The following LPAR1 variants were observed in gnomAD, a reference collection of about 807,000 sequenced individuals.
LPAR1 encodes LPA receptor 1.
Under a neutral mutation model 23.8 loss-of-function variants are expected in LPAR1, and 5 were observed. That is an observed-to-expected ratio of 0.21 (90% CI 0.11 to 0.44). LPAR1 has a LOEUF of 0.44. LPAR1 is among the 20% of genes least tolerant of loss of function. The pLI is 0.99. For synonymous variants in LPAR1, 160 were observed against 164.7 expected (o/e 0.97, Z 0.22); for missense variants, 311 against 482.8 (o/e 0.64, Z 3.33).
intron 2 of LPAR1, among the ~76,000 whole-genome samples, chr9:110,985,854 G>GA (rs2139302566): frequency 6.6e-6 from 1 of 152,172 alleles, no homozygotes; most frequent in East Asian, 1.9e-4. Context: ...GAAAATGGGA[G>GA]AAAATCTCTA....
In LPAR1 at chr9:110,957,227, C is replaced by T. The variant is rs146998901; in HGVS notation, c.45+14846G>A. On this transcript the variant is annotated intron_variant, in intron 4 of 5. Coordinates refer to ENST00000683809, the MANE Select transcript of LPAR1 (RefSeq NM_001351411.2). ...TACAAAAAAAAAAGGCATAGTAGTG[C>T]GCACCTATAGTCCCAGCTACATGGG... Among the ~76,000 whole-genome samples, 1,175 of 150,808 alleles carry T rather than the reference C, an allele frequency of 7.8e-3. 56 individuals are homozygous for T. Among genetic ancestry groups the T allele is most frequent in the Admixed American group, 0.062 (939 of 15,122 alleles).
At chr9:110,876,739 C>T (rs1302344611) in intron 5 of LPAR1, among the ~76,000 whole-genome samples, 1 of 152,142 alleles carries the variant, frequency 6.6e-6, no homozygotes, top group Non-Finnish European at 1.5e-5. Flanking sequence ...CTCTTTCTTC[C>T]CCCAATTATT....
intron 5 of LPAR1, among the ~76,000 whole-genome samples, chr9:110,883,701 T>TC (rs200346569): frequency 1.3e-5 from 2 of 151,300 alleles, no homozygotes; most frequent in Admixed American, 1.3e-4. Context: ...TTATTCTCTC[T>TC]TTTGTTACAG....
At chr9:111,005,211 T>A (rs1231641044) in intron 2 of LPAR1, among the ~76,000 whole-genome samples, 1 of 150,328 alleles carries the variant, frequency 6.7e-6, no homozygotes, top group East Asian at 2.0e-4. Context: ...TTTCTCTCTG[T>A]CTCTCTCCAA....
rs368210344 is a variant in LPAR1 at position 110,958,130 on chromosome 9, C to T, written c.45+13943G>A. ...TATGCTTATAGATCGAACGAATTAACGTTGTTAAAATGATCACACTACCCA... is the reference window on the plus strand; with the variant it reads ...TATGCTTATAGATCGAACGAATTAATGTTGTTAAAATGATCACACTACCCA... On this transcript the variant is annotated intron_variant, in intron 4 of 5. Coordinates refer to ENST00000683809, the MANE Select transcript of LPAR1 (RefSeq NM_001351411.2). Among the ~76,000 whole-genome samples, 14 of 152,210 alleles carry T rather than the reference C, an allele frequency of 9.2e-5. No individual in the cohort carries two copies. The East Asian group carries it at 9.6e-4, about 10-fold the overall frequency.
chr9:110,916,361 C>T (rs955703602), intron 5 of LPAR1, among the ~76,000 whole-genome samples: 2 of 152,146 alleles, frequency 1.3e-5, no homozygotes, highest in Non-Finnish European at 2.9e-5. Flanking sequence ...TTCTTAGCCA[C>T]TATGCTATAT....
chr9:110,968,965 G>A (rs564776888), intron 4 of LPAR1, among the ~76,000 whole-genome samples: 19 of 152,244 alleles, frequency 1.2e-4, no homozygotes, highest in Non-Finnish European at 2.4e-4. Context: ...CTTCCCCTCA[G>A]GCTCAGGTAA....
intron 5 of LPAR1, among the ~76,000 whole-genome samples, chr9:110,903,781 A>G (rs1174409705): frequency 6.6e-6 from 1 of 151,862 alleles, no homozygotes; most frequent in Non-Finnish European, 1.5e-5. Flanking sequence ...GCAAAAAAAT[A>G]TAAATCTACA....
At chr9:110,994,488 T>C (rs1247080435) in intron 2 of LPAR1, among the ~76,000 whole-genome samples, 5 of 152,224 alleles carry the variant, frequency 3.3e-5, no homozygotes, top group Admixed American at 2.6e-4. Flanking sequence ...TTTGTGACTA[T>C]GTTGAAGAAT....
rs144406486 is a variant in LPAR1 at position 110,892,818 on chromosome 9, A to C, written c.794-17096T>G. Among the ~76,000 whole-genome samples the C allele has an allele frequency of 7.6e-3, 740 of 97,072 alleles. 1 individual carries two copies. Among genetic ancestry groups the C allele is most frequent in the Middle Eastern group, 0.023 (5 of 216 alleles). The allele number at this position is 97,072 out of a possible 152,430, so 63.7% of individuals were successfully genotyped here. A position where few individuals can be genotyped will look rare whatever the true frequency, so the allele number is the denominator to read the frequency against. On this transcript the variant is annotated intron_variant, in intron 5 of 5. Transcript: ENST00000683809. ...GAAGGAAGGAAGGAAGGAAGGAAGG[A>C]AGGAAGGAAGGCAGGCAGGCAGGCA... is the stretch of plus-strand genomic sequence containing the variant.
rs1172184916 is a variant in LPAR1 at position 110,949,259 on chromosome 9, T to G, written c.46-7091A>C. Among the ~76,000 whole-genome samples the G allele has an allele frequency of 3.9e-5, 6 of 152,156 alleles. No individual in the cohort carries two copies. The East Asian group carries it at 1.2e-3, about 29-fold the overall frequency. ...CAGCCTCACTGAATATAAACTCATC[T>G]TCCAAAAGGAAAAAAACACAGGAGG... On this transcript the variant is annotated intron_variant, in intron 4 of 5. Coordinates refer to ENST00000683809, the MANE Select transcript of LPAR1 (RefSeq NM_001351411.2).
chr9:110,938,519 T>C (rs1160693486), intron 5 of LPAR1, among the ~76,000 whole-genome samples: 1 of 152,122 alleles, frequency 6.6e-6, no homozygotes, highest in Non-Finnish European at 1.5e-5. Context: ...CCACCCCTTT[T>C]CCAGGAAGTT....
At chr9:110,967,302 A>G (rs1246309379) in intron 4 of LPAR1, among the ~76,000 whole-genome samples, 1 of 152,198 alleles carries the variant, frequency 6.6e-6, no homozygotes, top group Non-Finnish European at 1.5e-5. Flanking sequence ...AACTTGCCCC[A>G]CTTCAAAAAA....
intron 4 of LPAR1, among the ~76,000 whole-genome samples, chr9:110,968,351 T>G (rs1251810922): frequency 3.3e-5 from 5 of 152,168 alleles, no homozygotes; most frequent in Admixed American, 2.0e-4. Context: ...TAGGTGGCTC[T>G]AGGGACATCA....
chr9:110,947,223 T>C (rs752811705), intron 4 of LPAR1, among the ~76,000 whole-genome samples: 2 of 152,280 alleles, frequency 1.3e-5, no homozygotes, highest in Admixed American at 6.5e-5. Flanking sequence ...CAAAGTCCAA[T>C]AAGTACTTTT....
At chr9:111,030,591 A>G (rs1412647904) in intron 2 of LPAR1, among the ~76,000 whole-genome samples, 1 of 152,170 alleles carries the variant, frequency 6.6e-6, no homozygotes, top group Non-Finnish European at 1.5e-5. Context: ...GATGCCAAAC[A>G]CGTGCTCCAA....
At chr9:110,915,686 A>G (rs928457026) in intron 5 of LPAR1, among the ~76,000 whole-genome samples, 1 of 152,174 alleles carries the variant, frequency 6.6e-6, no homozygotes, top group Non-Finnish European at 1.5e-5. Flanking sequence ...TATAACCACA[A>G]TCATATATTT....
At chr9:110,910,131 T>C (rs1339415849) in intron 5 of LPAR1, among the ~76,000 whole-genome samples, 2 of 152,150 alleles carry the variant, frequency 1.3e-5, no homozygotes, top group Non-Finnish European at 2.9e-5. Flanking sequence ...AAGACTTTCA[T>C]AGCTGGAGAG....
intron 5 of LPAR1, among the ~76,000 whole-genome samples, chr9:110,921,462 G>T (rs1345993297): frequency 6.6e-6 from 1 of 152,116 alleles, no homozygotes; most frequent in Non-Finnish European, 1.5e-5. Context: ...TTTAATAAAT[G>T]TCAGACATTG....
Sources: gnomAD v4.1 joint callset for allele counts (sites outside exome capture counted in the v4.1 genomes callset) on GRCh38, gnomAD v4.1.1 for gene constraint, MANE v1.5 for transcripts, NCBI Gene and HGNC (gene_info 2026-07-23, HGNC 2026-07-21) for gene names.